Variants in AIG1 observed in about 807,000 individuals in gnomAD.
AIG1 encodes androgen induced 1, also known as androgen-induced gene 1 protein.
AIG1 carries 23 observed loss-of-function variants against 31.4 expected under a neutral mutation model. The ratio of observed to expected loss-of-function variants is 0.73; its 90% CI spans 0.53 to 1.04. AIG1 has a LOEUF of 1.04. Among genes scored for constraint, AIG1 ranks in the 50% least tolerant of loss-of-function variants. The pLI is 0.00. For synonymous variants in AIG1, 100 were observed against 110.5 expected (o/e 0.90, Z 0.60); for missense variants, 274 against 295.0 (o/e 0.93, Z 0.52).
chr6:143,192,670 C>T (rs1789897333), intron 3 of AIG1, among the ~76,000 whole-genome samples: 1 of 151,632 alleles, frequency 6.6e-6, no homozygotes, highest in Non-Finnish European at 1.5e-5. Flanking sequence ...CATATTATGG[C>T]TAGTGCTCCT....
chr6:143,234,539 G>C (rs779474012), intron 3 of AIG1, among the ~76,000 whole-genome samples: 1 of 152,198 alleles, frequency 6.6e-6, no homozygotes, highest in Non-Finnish European at 1.5e-5. Flanking sequence ...ATTGAGAGCT[G>C]ACTAGGAATT....
intron 3 of AIG1, among the ~76,000 whole-genome samples, chr6:143,240,200 C>T (rs910977827): frequency 3.3e-5 from 5 of 152,096 alleles, no homozygotes; most frequent in Non-Finnish European, 7.3e-5. Flanking sequence ...TCCTCATCTA[C>T]AGAATAGGAA....
intron 4 of AIG1, among the ~76,000 whole-genome samples, chr6:143,324,435 A>G (rs1266327105): frequency 6.6e-6 from 1 of 152,192 alleles, no homozygotes; most frequent in Non-Finnish European, 1.5e-5. Context: ...GAGATTTTAT[A>G]CTTAGATCAT....
intron 1 of AIG1, among the ~76,000 whole-genome samples, chr6:143,073,274 A>G (rs1278420949): frequency 1.3e-5 from 2 of 152,160 alleles, no homozygotes; most frequent in African/African-American, 4.8e-5. Context: ...TTGTCTATCA[A>G]CAGAGAGTTA....
chr6:143,306,533 C>G (rs1231966072), intron 4 of AIG1, among the ~76,000 whole-genome samples: 6 of 152,178 alleles, frequency 3.9e-5, no homozygotes, highest in Admixed American at 3.9e-4. Context: ...TTGGCCCCCA[C>G]TCTCTTCTGG....
chr6:143,267,788 T>C (rs1287359454), intron 3 of AIG1, among the ~76,000 whole-genome samples: 3 of 152,186 alleles, frequency 2.0e-5, no homozygotes, highest in Non-Finnish European at 2.9e-5. Flanking sequence ...TCTCTGTTCA[T>C]GAGGGAGGCT....
chr6:143,203,638 A>C (rs1790876046), intron 3 of AIG1, among the ~76,000 whole-genome samples: 1 of 152,172 alleles, frequency 6.6e-6, no homozygotes, highest in African/African-American at 2.4e-5. Flanking sequence ...AATGGATGGA[A>C]GCTTTAAAAA....
At chr6:143,233,319 C>T (rs1357555108) in intron 3 of AIG1, among the ~76,000 whole-genome samples, 1 of 151,716 alleles carries the variant, frequency 6.6e-6, no homozygotes, top group Non-Finnish European at 1.5e-5. Flanking sequence ...AAACCAAGTC[C>T]TGAGATTATA....
chr6:143,249,833 T>G (rs1366990400), intron 3 of AIG1, among the ~76,000 whole-genome samples: 4 of 152,204 alleles, frequency 2.6e-5, no homozygotes, highest in African/African-American at 4.8e-5. Context: ...TCACCAGTCA[T>G]AATTCCGTAT....
intron 4 of AIG1, among the ~76,000 whole-genome samples, chr6:143,306,345 A>T (rs917464409): frequency 6.6e-5 from 10 of 151,976 alleles, no homozygotes; most frequent in Non-Finnish European, 1.2e-4. Context: ...ATTTGGCATG[A>T]TTTTTCAGTG....
intron 3 of AIG1, among the ~76,000 whole-genome samples, chr6:143,251,866 A>G (rs905960232): frequency 1.3e-5 from 2 of 152,192 alleles, no homozygotes; most frequent in African/African-American, 4.8e-5. Context: ...GAAGCAAACT[A>G]TTGTTTCCCA....
intron 3 of AIG1, among the ~76,000 whole-genome samples, chr6:143,178,350 A>G (rs1167021158): frequency 6.6e-6 from 1 of 152,072 alleles, no homozygotes; most frequent in Non-Finnish European, 1.5e-5. Flanking sequence ...TCTCAACATG[A>G]TGATGTGCTG....
At chr6:143,161,550 T>C (rs1175792724) in intron 2 of AIG1, among the ~76,000 whole-genome samples, 2 of 150,160 alleles carry the variant, frequency 1.3e-5, no homozygotes, top group Non-Finnish European at 3.0e-5. Context: ...TGTGTGTATA[T>C]ATATGTGTGT....
chr6:143,118,989 T>C (rs1356008646), intron 1 of AIG1, among the ~76,000 whole-genome samples: 1 of 152,106 alleles, frequency 6.6e-6, no homozygotes, highest in Non-Finnish European at 1.5e-5. Flanking sequence ...TCCTCCTGCT[T>C]CAGGCTCCTG....
intron 1 of AIG1, among the ~76,000 whole-genome samples, chr6:143,114,950 G>A (rs1781615029): frequency 6.6e-6 from 1 of 152,210 alleles, no homozygotes; most frequent in African/African-American, 2.4e-5. Context: ...AGAGCCTGGT[G>A]CCCAGTCAGC....
At chr6:143,306,918 C>T (rs569371522) in intron 4 of AIG1, among the ~76,000 whole-genome samples, 1 of 152,252 alleles carries the variant, frequency 6.6e-6, no homozygotes, top group African/African-American at 2.4e-5. Flanking sequence ...TCTTTTTTCT[C>T]CAAACTTCCC....
rs552620840 is a variant in AIG1 at position 143,249,988 on chromosome 6, C to T, written c.400-34122C>T. Among the ~76,000 whole-genome samples the T allele has an allele frequency of 7.9e-5, 12 of 152,282 alleles. No individual in the cohort carries two copies. In the South Asian group the frequency reaches 8.3e-4, roughly 11 times the overall value. On this transcript the variant is annotated intron_variant, in intron 3 of 5. Transcript: ENST00000357847. ...AAAGTGGAATACTGAGATGTACAGC[C>T]GTGGCAAGCAATGCACAAGAAATCT...
chr6:143,072,914 C>G (rs1269221025), intron 1 of AIG1, among the ~76,000 whole-genome samples: 1 of 152,008 alleles, frequency 6.6e-6, no homozygotes, highest in African/African-American at 2.4e-5. Context: ...AGCATGAATC[C>G]CAGATACAGT....
chr6:143,157,057 G>T (rs1024798394), intron 2 of AIG1, among the ~76,000 whole-genome samples: 1 of 152,200 alleles, frequency 6.6e-6, no homozygotes, highest in Admixed American at 6.5e-5. Context: ...TTTAGACCTT[G>T]CAGACCTTGC....
Sources: allele counts gnomAD v4.1 joint callset (sites outside exome capture counted in the v4.1 genomes callset), GRCh38; gene constraint gnomAD v4.1.1; transcripts MANE v1.5; gene names NCBI Gene and HGNC (gene_info 2026-07-23, HGNC 2026-07-21).